Variants in CASK observed in about 807,000 individuals in gnomAD.
The protein encoded by CASK is calcium/calmodulin dependent serine protein kinase, also known as peripheral plasma membrane protein CASK.
Under a neutral mutation model 82.9 loss-of-function variants are expected in CASK, and 4 were observed. The ratio of observed to expected loss-of-function variants is 0.05; its 90% CI spans 0.02 to 0.11. CASK has a LOEUF of 0.11. CASK is among the 10% of genes least tolerant of loss of function. CASK has a pLI of 1.00. For synonymous variants in CASK, 259 were observed against 253.5 expected, an observed-to-expected ratio of 1.02 and a Z score of -0.20; for missense variants, 358 against 720.9, an observed-to-expected ratio of 0.50 and a Z score of 5.76.
At position 41,853,122 on chromosome X, in the gene CASK, A is replaced by T. The variant is rs1210711127; in HGVS notation, c.165T>A (p.Ser55Arg). The T allele has an allele frequency of 1.7e-6, 2 of 1,161,143 alleles. No individual in the cohort carries two copies. The highest frequency in any genetic ancestry group is 1.8e-5 in the African/African-American group (1 of 56,192). Residue 55 changes from serine (S) to arginine (R), a missense_variant, in exon 2 of 27, where the codon AGT (serine) becomes AGA (arginine). By Grantham distance (110) the Ser-to-Arg change is moderately radical (BLOSUM62 -1). This residue lies in a region of CASK where 70 missense variants were observed against 228.4 expected (regional missense o/e 0.31). Transcript: ENST00000378163. ...TTGAAATCCATCTCTTACCTTCTGT[A>T]CTTAACCCTGGACTTGATGTGAACT... ...VAKFTSSPGLSTEDLKREASI... is the reference protein window; with the variant it reads ...VAKFTSSPGLRTEDLKREASI...
At chrX:41,669,098 T>A (rs1185898929) in intron 6 of CASK, among the ~76,000 whole-genome samples, 1 of 111,763 alleles carries the variant, frequency 8.9e-6, no homozygotes, top group Admixed American at 9.5e-5. Context: ...TATCTCTAAT[T>A]TATTCATATT....
intron 3 of CASK, among the ~76,000 whole-genome samples, chrX:41,748,044 C>T (rs444787): frequency 0.19 from 21,528 of 111,230 alleles, 1,642 homozygotes; most frequent in Middle Eastern, 0.3. Flanking sequence ...CATCTCATAG[C>T]GAAGGAATCA....
chrX:41,741,358 T>C (rs187650800), intron 4 of CASK, among the ~76,000 whole-genome samples: 4 of 112,135 alleles, frequency 3.6e-5, no homozygotes, highest in African/African-American at 6.5e-5. Context: ...AATATTATTA[T>C]TGTTAAGTTC....
intron 1 of CASK, among the ~76,000 whole-genome samples, chrX:41,917,000 AAAAG>A (rs1441794258): frequency 8.9e-6 from 1 of 112,613 alleles, no homozygotes; most frequent in African/African-American, 3.2e-5. Flanking sequence ...ACAAAAATAA[AAAAG>A]AAACAGATGA....
chrX:41,736,955 T>TC (rs2068509629), intron 5 of CASK, among the ~76,000 whole-genome samples: 1 of 112,323 alleles, frequency 8.9e-6, no homozygotes, highest in Non-Finnish European at 1.9e-5. Flanking sequence ...GAACAAGTTC[T>TC]CCCATCCTTG....
intron 2 of CASK, among the ~76,000 whole-genome samples, chrX:41,822,557 CAAAAAAAAAAAAAAAAAA>C: frequency 2.0e-5 from 1 of 50,671 alleles, no homozygotes; most frequent in East Asian, 7.9e-4. Flanking sequence ...GACTCCGTCT[CAAAAAAAAAAAAAAAAAA>C]AAAAAAAGAA....
In CASK at chrX:41,593,296, C is replaced by A. The variant is rs186025976; in HGVS notation, c.1156-3704G>T. Among the ~76,000 whole-genome samples, 598 of 110,884 alleles carry A rather than the reference C, an allele frequency of 5.4e-3. 2 individuals carry two copies. The highest frequency in any genetic ancestry group is 8.2e-3 in the Non-Finnish European group (436 of 52,980). On this transcript the variant is annotated intron_variant, in intron 12 of 26. Transcript: ENST00000378163. ...TGAATCTCGGCTGCTGGCTCATCAA[C>A]CAAAAGGGCAAGTAAGAACTGAAGC...
At chrX:41,566,610 T>C (rs1349453141) in intron 16 of CASK, among the ~76,000 whole-genome samples, 1 of 111,883 alleles carries the variant, frequency 8.9e-6, no homozygotes, top group African/African-American at 3.3e-5. Flanking sequence ...GGAAGAATAT[T>C]CCATGCTCAT....
At chrX:41,912,792 A>T (rs1017362986) in intron 1 of CASK, among the ~76,000 whole-genome samples, 4 of 100,539 alleles carry the variant, frequency 4.0e-5, no homozygotes, top group African/African-American at 1.5e-4. Context: ...CAAGTAATTT[A>T]TATATATATA....
At chrX:41,862,312 G>A (rs1284747110) in intron 1 of CASK, among the ~76,000 whole-genome samples, 1 of 110,245 alleles carries the variant, frequency 9.1e-6, no homozygotes, top group African/African-American at 3.3e-5. Flanking sequence ...AGGCCAAGGC[G>A]GGCAGATTAC....
At chrX:41,881,555 C>A (rs1413513828) in intron 1 of CASK, among the ~76,000 whole-genome samples, 1 of 111,170 alleles carries the variant, frequency 9.0e-6, no homozygotes, top group East Asian at 2.8e-4. Flanking sequence ...GCCCAGAAGA[C>A]CCTGGACCAT....
At chrX:41,733,885 G>A (rs1381124266) in intron 5 of CASK, among the ~76,000 whole-genome samples, 1 of 111,965 alleles carries the variant, frequency 8.9e-6, no homozygotes, top group Admixed American at 9.5e-5. Context: ...CAGTAACGGA[G>A]AACAAGAGAC....
chrX:41,529,391 AGCGGCAGCAGCAGCAGTGGCGGTGGCG>A, intron 25 of CASK: 1 of 180,761 alleles, frequency 5.5e-6, no homozygotes, highest in Non-Finnish European at 1.1e-5. Flanking sequence ...CAGCAGCAGC[AGCGGCAGCAGCAGCAGTGGCGGTGGCG>A]GCGGCAGCAG....
chrX:41,813,420 C>G (rs2070344190), intron 2 of CASK, among the ~76,000 whole-genome samples: 2 of 110,378 alleles, frequency 1.8e-5, no homozygotes, highest in African/African-American at 6.6e-5. Flanking sequence ...CAGAACAGAG[C>G]CCTCAGAAAT....
chrX:41,708,613 G>A (rs997792054), intron 5 of CASK, among the ~76,000 whole-genome samples: 2 of 112,324 alleles, frequency 1.8e-5, no homozygotes, highest in African/African-American at 6.5e-5. Context: ...CATGTGTAAA[G>A]TGGTTTTCAG....
intron 5 of CASK, among the ~76,000 whole-genome samples, chrX:41,731,653 G>A (rs2068398329): frequency 9.0e-6 from 1 of 111,523 alleles, no homozygotes; most frequent in Non-Finnish European, 1.9e-5. Context: ...TTATCATCAT[G>A]GATATCTTTA....
intron 2 of CASK, among the ~76,000 whole-genome samples, chrX:41,814,124 A>G (rs1022421288): frequency 6.7e-4 from 75 of 112,121 alleles, no homozygotes; most frequent in African/African-American, 2.4e-3. Flanking sequence ...GAGAAATAGG[A>G]ACACTTTTAC....
At chrX:41,710,075 T>TAG (rs1405621763) in intron 5 of CASK, among the ~76,000 whole-genome samples, 5 of 62,838 alleles carry the variant, frequency 8.0e-5, no homozygotes, top group African/African-American at 2.8e-4. Context: ...TCCCAGGGTA[T>TAG]AGATTTTGTG....
chrX:41,586,873 G>T (rs1410603102), intron 14 of CASK, 34 bp downstream of exon 14: 1 of 905,154 alleles, frequency 1.1e-6, no homozygotes, highest in African/African-American at 1.9e-5. Flanking sequence ...TGAAAGTGAG[G>T]TTTCAGTTCT....
Sources: gnomAD v4.1 joint callset for allele counts (sites outside exome capture counted in the v4.1 genomes callset) on GRCh38, gnomAD v4.1.1 for gene constraint, gnomAD v4.1.1 regional missense constraint, MANE v1.5 for transcripts, NCBI Gene and HGNC (gene_info 2026-07-23, HGNC 2026-07-21) for gene names.